Variants in IGFBP6 observed in about 807,000 individuals in gnomAD.
IGFBP6 encodes insulin-like growth factor-binding protein 6.
Under a neutral mutation model 24.5 loss-of-function variants are expected in IGFBP6, and 24 were observed. That is an observed-to-expected ratio of 0.98 (90% CI 0.71 to 1.38). The LOEUF (loss-of-function observed/expected upper bound fraction) is 1.38. Ranked by LOEUF, IGFBP6 falls within the 40% of genes most tolerant of loss-of-function variation. The pLI, the probability that IGFBP6 is intolerant of heterozygous loss-of-function variation, is 0.00. For synonymous variants in IGFBP6, 147 were observed against 137.4 expected (o/e 1.07, Z -0.49); for missense variants, 331 against 324.8 (o/e 1.02, Z -0.15).
intron 3 of IGFBP6, 60 bp downstream of exon 3, chr12:53,101,220 C>A: frequency 6.3e-7 from 1 of 1,577,196 alleles, no homozygotes; most frequent in Non-Finnish European, 8.7e-7. Context: ...GGAGTGGGGG[C>A]GGTGCTGCTT....
At chr12:53,100,440 G>A (rs958486793) in intron 1 of IGFBP6, among the ~76,000 whole-genome samples, 1 of 152,240 alleles carries the variant, frequency 6.6e-6, no homozygotes, top group African/African-American at 2.4e-5. Flanking sequence ...GGGATTACAG[G>A]CGTGAGCCAT....
In IGFBP6 at chr12:53,098,014, C is replaced by G. The variant is rs1336687521; in HGVS notation, c.297C>G (p.Leu99=). The stretch of plus-strand genomic sequence containing the variant: ...AGGCGCCTTTGCGGGCGCTGCTGCT[C>G]GGCCGAGGCCGCTGCCTTCCGGCCC... ...DDEAPLRALL[L]GRGRCLPARA... is the part of the protein sequence containing the mutation. The change falls in exon 1 of 4, where the codon CTC becomes CTG. Residue 99 remains leucine, a synonymous_variant. Transcript: ENST00000301464. The G allele has an allele frequency of 5.3e-6, 8 of 1,501,786 alleles. No homozygotes were observed. The African/African-American group carries it at 7.2e-5, about 14-fold the overall frequency. 93.0% of individuals were successfully genotyped at this position (1,501,786 alleles called of 1,614,324 possible).
intron 2 of IGFBP6, 74 bp downstream of exon 2, chr12:53,100,931 G>GTA: frequency 6.2e-7 from 1 of 1,605,950 alleles, no homozygotes; most frequent in Non-Finnish European, 8.5e-7. Context: ...GCTCCCTTGG[G>GTA]CTTGGAGACG....
At chr12:53,098,611 G>C (rs960670174) in intron 1 of IGFBP6, among the ~76,000 whole-genome samples, 6 of 152,206 alleles carry the variant, frequency 3.9e-5, no homozygotes, top group Non-Finnish European at 8.8e-5. Context: ...CTTGAGTAGG[G>C]ACTGAGGGCA....
At chr12:53,099,102 G>A (rs1337741691) in intron 1 of IGFBP6, 1 of 286,156 alleles carries the variant, frequency 3.5e-6, no homozygotes, top group African/African-American at 2.2e-5. Context: ...TGTCTCCTGG[G>A]TTGTGAGTGG....
Position 53,098,080 on chromosome 12 carries a change from C to G in IGFBP6, c.334+29C>G, listed in dbSNP as rs181166514. On this transcript the variant is annotated intron_variant, in intron 1 of 3. Coordinates refer to ENST00000301464, the MANE Select transcript of IGFBP6 (RefSeq NM_002178.3). ...AGTCCGCGCCCCGCCCCTGCCCCGC[C>G]CACGTGAGACCCGCGTCCTCCAGGC... is the stretch of plus-strand genomic sequence containing the variant. The G allele has an allele frequency of 3.9e-5, 54 of 1,397,876 alleles. No individual in the cohort carries two copies. In the East Asian group the frequency reaches 1.2e-3, roughly 31 times the overall value. The allele number at this position is 1,397,876 out of a possible 1,614,324, so 86.6% of individuals were successfully genotyped here. A position where few individuals can be genotyped will look rare whatever the true frequency, so the allele number is the denominator to read the frequency against.
In IGFBP6 at chr12:53,097,727, C is replaced by A. The variant is rs112479506; in HGVS notation, c.10C>A (p.His4Asn). The A allele has an allele frequency of 5.2e-6, 8 of 1,545,182 alleles. No homozygotes were observed. In the African/African-American group the frequency reaches 8.2e-5, roughly 16 times the overall value. The stretch of plus-strand genomic sequence containing the variant: ...GGCACAAACCCTGACCATGACCCCC[C>A]ACAGGCTGCTGCCACCGCTGCTGCT... MTPHRLLPPLLLLL... is the reference protein window; with the variant it reads MTPNRLLPPLLLLL... Residue 4 changes from histidine to asparagine, a missense_variant, in exon 1 of 4, where the codon CAC becomes AAC. Physicochemically the swap from His to Asn is moderately conservative, Grantham distance 68. Coordinates refer to ENST00000301464, the MANE Select transcript of IGFBP6 (RefSeq NM_002178.3).
At position 53,097,837 on chromosome 12, in the gene IGFBP6, T is replaced by C. The variant is rs769965272; in HGVS notation, c.120T>C (p.Cys40=). Residue 40 remains cysteine, a synonymous_variant, in exon 1 of 4, where the codon TGT becomes TGC. Coordinates refer to ENST00000301464, the MANE Select transcript of IGFBP6 (RefSeq NM_002178.3). ...GCGGGCAAGGGGTGCAGGCGGGTTG[T>C]CCAGGGGGCTGCGTGGAGGAGGAGG... ...PGCGQGVQAG[C]PGGCVEEEDG... 12 of 1,533,078 alleles carry C rather than the reference T, an allele frequency of 7.8e-6. No homozygotes were observed. The highest frequency in any genetic ancestry group is 2.5e-5 in the East Asian group (1 of 40,670). 95.0% of individuals were successfully genotyped at this position (1,533,078 alleles called of 1,614,324 possible).
At chr12:53,100,947 A>G (rs551265430) in intron 2 of IGFBP6, 90 bp downstream of exon 2, 80 of 1,605,022 alleles carry the variant, frequency 5.0e-5, no homozygotes, top group Admixed American at 8.4e-5. Flanking sequence ...AGACGTCTCC[A>G]TTGTCTGTCC....
chr12:53,097,746 T>C lies in IGFBP6; in HGVS notation c.29T>C (p.Leu10Pro), dbSNP rs969252229. The change falls in exon 1 of 4, where the codon CTG becomes CCG. Residue 10 changes from leucine to proline, a missense_variant. Coordinates refer to ENST00000301464, the MANE Select transcript of IGFBP6 (RefSeq NM_002178.3). ...ACCCCCCACAGGCTGCTGCCACCGC[T>C]GCTGCTGCTGCTAGCTCTGCTGCTC... MTPHRLLPP[L>P]LLLLALLLAA... 66 of 1,534,658 alleles carry C rather than the reference T, an allele frequency of 4.3e-5. No homozygotes were observed. Among genetic ancestry groups the C allele is most frequent in the Non-Finnish European group, 5.1e-5 (58 of 1,140,568 alleles).
intron 1 of IGFBP6, chr12:53,099,425 G>T: frequency 2.4e-6 from 1 of 425,100 alleles, no homozygotes; most frequent in South Asian, 1.6e-5. Flanking sequence ...GGTTGAGCTG[G>T]CCTGGGTCAC....
chr12:53,099,953 G>A (rs1333758041), intron 1 of IGFBP6, among the ~76,000 whole-genome samples: 1 of 150,728 alleles, frequency 6.6e-6, no homozygotes, highest in Non-Finnish European at 1.5e-5. Flanking sequence ...CCGCCCCCCC[G>A]AGTTCAAGCG....
At position 53,100,692 on chromosome 12, in the gene IGFBP6, T is replaced by G. The variant is rs1378993328; in HGVS notation, c.335-20T>G. The G allele has an allele frequency of 6.2e-7, 1 of 1,613,738 alleles. No homozygotes were observed. Among genetic ancestry groups the G allele is most frequent in the Admixed American group, 1.7e-5 (1 of 60,028 alleles). On this transcript the variant is annotated intron_variant, in intron 1 of 3. Coordinates refer to ENST00000301464, the MANE Select transcript of IGFBP6 (RefSeq NM_002178.3). ...GCTCTGCCTGATTTCTGACCTCTCC[T>G]TCTCCTATTCCTCCTCCAGTTGCAG...
chr12:53,099,944 C>CG (rs1449797393), intron 1 of IGFBP6, among the ~76,000 whole-genome samples: 1 of 149,602 alleles, frequency 6.7e-6, no homozygotes, highest in Non-Finnish European at 1.5e-5. Context: ...CTGCAACCTC[C>CG]GCCCCCCCGA....
At position 53,101,122 on chromosome 12, in the gene IGFBP6, C is replaced by T. The variant is rs772378240; in HGVS notation, c.562C>T (p.Pro188Ser). The change falls in exon 3 of 4, where the codon CCC (proline) becomes TCC (serine). Residue 188 changes from proline to serine, a missense_variant. Coordinates refer to ENST00000301464, the MANE Select transcript of IGFBP6 (RefSeq NM_002178.3). ...VYRGAQTLYV[P>S]NCDHRGFYRK... Reference sequence around the variant, plus strand: ...CCGAGGGGCTCAAACACTCTACGTGCCCAATTGTGACCATCGAGGCTTCTA... The same window carrying T: ...CCGAGGGGCTCAAACACTCTACGTGTCCAATTGTGACCATCGAGGCTTCTA... The T allele has an allele frequency of 1.1e-5, 17 of 1,614,202 alleles. No homozygotes were observed. Among genetic ancestry groups the T allele is most frequent in the Non-Finnish European group, 1.4e-5 (16 of 1,180,014 alleles).
At chr12:53,101,198 G>C (rs1393296993) in intron 3 of IGFBP6, 38 bp downstream of exon 3, 1 of 1,605,934 alleles carries the variant, frequency 6.2e-7, no homozygotes, top group South Asian at 1.1e-5. Context: ...TCCAGCAGAA[G>C]GCTCCTGCCA....
chr12:53,099,532 A>C lies in IGFBP6; in HGVS notation c.335-1180A>C, dbSNP rs9658609. Among the ~76,000 whole-genome samples, 987 of 152,282 alleles carry C rather than the reference A, an allele frequency of 6.5e-3. 7 individuals carry two copies. Among genetic ancestry groups the C allele is most frequent in the Non-Finnish European group, 0.012 (787 of 68,028 alleles). ...GGTTGAGTCATAGCAAGGTCACAGC[A>C]GGGACACACATTCCTTTTGGGTCCC... On this transcript the variant is annotated intron_variant, in intron 1 of 3. Transcript: ENST00000301464.
In IGFBP6 at chr12:53,101,898, CAAAAAAAAAA is replaced by C. The variant is rs57771658; in HGVS notation, c.601-130_601-121del. The C allele has an allele frequency of 5.5e-4, 110 of 199,420 alleles. 1 individual carries two copies. The African/African-American group carries it at 6.3e-3, about 11-fold the overall frequency. 12.4% of individuals were successfully genotyped at this position (199,420 alleles called of 1,614,324 possible). Reference sequence around the variant, plus strand: ...AGGGCGACAGAGCGAGACTCCATCTCAAAAAAAAAAAAAAAAAAAAAAAAAAGAGAGGGAA... The same window carrying C: ...AGGGCGACAGAGCGAGACTCCATCTCAAAAAAAAAAAAAAAAGAGAGGGAA... On this transcript the variant is annotated intron_variant, in intron 3 of 3. Coordinates refer to ENST00000301464, the MANE Select transcript of IGFBP6 (RefSeq NM_002178.3).
At chr12:53,101,923 A>T (rs112329640) in intron 3 of IGFBP6, 122 bp from the exon 4 acceptor site, 2 of 852,760 alleles carry the variant, frequency 2.3e-6, no homozygotes, top group East Asian at 5.6e-5. Flanking sequence ...AAAAAAAAAA[A>T]AGAGAGGGAA....
Sources: allele counts gnomAD v4.1 joint callset (sites outside exome capture counted in the v4.1 genomes callset), GRCh38; gene constraint gnomAD v4.1.1; transcripts MANE v1.5; gene names NCBI Gene and HGNC (gene_info 2026-07-23, HGNC 2026-07-21).